Variants in PLEKHB2 observed in about 807,000 individuals in gnomAD.
The protein encoded by PLEKHB2 is pleckstrin homology domain-containing family B member 2.
In PLEKHB2, 31 loss-of-function variants were observed where a neutral mutation model predicts 36.5. The ratio of observed to expected loss-of-function variants is 0.85; its 90% CI spans 0.64 to 1.15. The LOEUF (loss-of-function observed/expected upper bound fraction) is 1.15. Ranked by LOEUF, PLEKHB2 falls within the 50% of genes most tolerant of loss-of-function variation. PLEKHB2 has a pLI of 0.00. For synonymous variants in PLEKHB2, 119 were observed against 112.0 expected (o/e 1.06, Z -0.39); for missense variants, 262 against 295.3 (o/e 0.89, Z 0.83).
chr2:131,111,011 AT>A lies in PLEKHB2; in HGVS notation c.-9+5624del, dbSNP rs930537136. Among the ~76,000 whole-genome samples, 49 of 148,788 alleles carry A rather than the reference AT, an allele frequency of 3.3e-4. 1 individual carries two copies. The highest frequency in any genetic ancestry group is 3.4e-3 in the Middle Eastern group (1 of 292). ...TTTATGAAATTCTCCTATAAGCAGA[AT>A]TTTTTTTTTTGAGACGGAGTCTCGC... On this transcript the variant is annotated intron_variant, in intron 1 of 7. Coordinates refer to ENST00000693505, the MANE Select transcript of PLEKHB2 (RefSeq NM_001100623.2).
At chr2:131,145,697 C>G (rs1049800112) in intron 7 of PLEKHB2, among the ~76,000 whole-genome samples, 16 of 152,162 alleles carry the variant, frequency 1.1e-4, no homozygotes, top group African/African-American at 3.9e-4. Context: ...CTATTAATAC[C>G]TGAGCAGTTT....
chr2:131,111,029 G>A (rs2092899854), intron 1 of PLEKHB2, among the ~76,000 whole-genome samples: 1 of 151,916 alleles, frequency 6.6e-6, no homozygotes, highest in South Asian at 2.1e-4. Context: ...TTTTGAGACG[G>A]AGTCTCGCTG....
rs917291895 is a variant in PLEKHB2 at position 131,149,693 on chromosome 2, T to C, written c.*2920T>C. 6.6e-6 allele frequency: 1 copy of C among 152,256 alleles called. No individual in the cohort carries two copies. Among genetic ancestry groups the C allele is most frequent in the African/African-American group, 2.4e-5 (1 of 41,466 alleles). The allele number at this position is 152,256 out of a possible 1,614,324, so 9.4% of individuals were successfully genotyped here. On this transcript the variant is annotated 3_prime_UTR_variant, in exon 8 of 8. Coordinates refer to ENST00000693505, the MANE Select transcript of PLEKHB2 (RefSeq NM_001100623.2). ...TGTAGATACAAGGCATGGAATGCAGTTCCACTTTCTCCCCAGAGTTGATCT... is the reference window on the plus strand; with the variant it reads ...TGTAGATACAAGGCATGGAATGCAGCTCCACTTTCTCCCCAGAGTTGATCT...
rs1559074454 is a variant in PLEKHB2, at chr2:131,125,738, A to G, written c.38-15A>G. 15 of 1,357,990 alleles carry G rather than the reference A, an allele frequency of 1.1e-5. No individual in the cohort carries two copies. In the South Asian group the frequency reaches 1.4e-4, roughly 13 times the overall value. The allele number at this position is 1,357,990 out of a possible 1,614,324, so 84.1% of individuals were successfully genotyped here. A position where few individuals can be genotyped will look rare whatever the true frequency, so the allele number is the denominator to read the frequency against. The stretch of plus-strand genomic sequence containing the variant: ...CTAAAAAAAAAAAAACAACCGTACT[A>G]TTTTTTTTTTCCAGGTACTATTTTG... On this transcript the variant is annotated splice_polypyrimidine_tract_variant and intron_variant, in intron 2 of 7. Transcript: ENST00000693505.
intron 1 of PLEKHB2, among the ~76,000 whole-genome samples, chr2:131,111,173 T>G (rs1235272199): frequency 2.0e-5 from 3 of 151,768 alleles, no homozygotes; most frequent in Non-Finnish European, 2.9e-5. Flanking sequence ...CCTGGCTAAT[T>G]TTTGTATTTT....
At chr2:131,138,784 C>T (rs1057464520) in intron 6 of PLEKHB2, among the ~76,000 whole-genome samples, 1 of 152,148 alleles carries the variant, frequency 6.6e-6, no homozygotes, top group South Asian at 2.1e-4. Flanking sequence ...TCTGCTGATC[C>T]CATCTCAGTG....
chr2:131,125,049 G>C (rs1412132679), intron 2 of PLEKHB2, among the ~76,000 whole-genome samples: 1 of 152,122 alleles, frequency 6.6e-6, no homozygotes. Flanking sequence ...CTCCCAAAGT[G>C]CTGGGATTAC....
At chr2:131,134,073 G>C (rs1008971873) in intron 6 of PLEKHB2, among the ~76,000 whole-genome samples, 2 of 151,528 alleles carry the variant, frequency 1.3e-5, no homozygotes, top group African/African-American at 4.9e-5. Flanking sequence ...CTAATTTTTT[G>C]TATTTTTAGT....
chr2:131,132,859 G>C, intron 5 of PLEKHB2, 43 bp from the exon 6 acceptor site: 9 of 1,109,896 alleles, frequency 8.1e-6, no homozygotes, highest in Non-Finnish European at 1.2e-5. Flanking sequence ...GCACACAGCT[G>C]CTGGGAAGCT....
intron 7 of PLEKHB2, among the ~76,000 whole-genome samples, chr2:131,143,748 A>G (rs1261948266): frequency 6.6e-6 from 1 of 152,104 alleles, no homozygotes; most frequent in Non-Finnish European, 1.5e-5. Flanking sequence ...ATCCCATGGG[A>G]TGGAGAGTTT....
intron 2 of PLEKHB2, 146 bp downstream of exon 2, chr2:131,121,124 CT>C: frequency 2.8e-6 from 2 of 721,290 alleles, no homozygotes; most frequent in Non-Finnish European, 4.6e-6. Flanking sequence ...ATTCCTAGAT[CT>C]CTGTGAACTG....
chr2:131,119,207 G>C (rs2104824137), intron 1 of PLEKHB2, among the ~76,000 whole-genome samples: 1 of 152,130 alleles, frequency 6.6e-6, no homozygotes, highest in South Asian at 2.1e-4. Flanking sequence ...AGTGAGCTGA[G>C]ATCGCGCCAC....
chr2:131,123,266 G>A (rs1248778079), intron 2 of PLEKHB2, among the ~76,000 whole-genome samples: 3 of 152,066 alleles, frequency 2.0e-5, no homozygotes, highest in Non-Finnish European at 2.9e-5. Context: ...CCAGTAAAAC[G>A]AGGTGAGATA....
At chr2:131,129,349 A>G (rs1250428010) in intron 4 of PLEKHB2, among the ~76,000 whole-genome samples, 2 of 146,216 alleles carry the variant, frequency 1.4e-5, no homozygotes, top group Non-Finnish European at 3.0e-5. Flanking sequence ...AAAAAAAAAA[A>G]AAAGAAAGCC....
At chr2:131,105,819 G>A (rs1465381905) in intron 1 of PLEKHB2, among the ~76,000 whole-genome samples, 1 of 152,110 alleles carries the variant, frequency 6.6e-6, no homozygotes, top group African/African-American at 2.4e-5. Context: ...TGTCCCACAT[G>A]TCTGACTGCC....
At chr2:131,119,756 A>C (rs1434147052) in intron 1 of PLEKHB2, among the ~76,000 whole-genome samples, 1 of 152,092 alleles carries the variant, frequency 6.6e-6, no homozygotes, top group East Asian at 1.9e-4. Flanking sequence ...TGCCCACCTG[A>C]GAGGTACAGT....
At chr2:131,108,184 A>G (rs1379139125) in intron 1 of PLEKHB2, 1 of 152,226 alleles carries the variant, frequency 6.6e-6, no homozygotes, top group Non-Finnish European at 1.5e-5. Context: ...TTTTTTGTCC[A>G]TCTGTTGTCT....
intron 1 of PLEKHB2, among the ~76,000 whole-genome samples, chr2:131,116,157 T>C (rs1442520879): frequency 2.0e-5 from 3 of 152,254 alleles, no homozygotes; most frequent in Admixed American, 6.5e-5. Flanking sequence ...TTATTTTATA[T>C]AGGCACATGA....
At chr2:131,126,165 C>G (rs1030925820) in intron 3 of PLEKHB2, among the ~76,000 whole-genome samples, 2 of 152,120 alleles carry the variant, frequency 1.3e-5, no homozygotes, top group African/African-American at 4.8e-5. Flanking sequence ...ACAGGCCACC[C>G]TAGACTACGT....
Sources: allele counts gnomAD v4.1 joint callset (sites outside exome capture counted in the v4.1 genomes callset), GRCh38; gene constraint gnomAD v4.1.1; transcripts MANE v1.5; gene names NCBI Gene and HGNC (gene_info 2026-07-23, HGNC 2026-07-21).